The following TULP3 variants were observed in gnomAD, a reference collection of about 807,000 sequenced individuals.
TULP3 encodes the protein TUB like protein 3.
In TULP3, 38 loss-of-function variants were observed where a neutral mutation model predicts 50.7. That is an observed-to-expected ratio of 0.75 (90% CI 0.58 to 0.98). TULP3 has a LOEUF of 0.98. TULP3 is among the 50% of genes least tolerant of loss of function. TULP3 has a pLI of 0.00. For synonymous variants in TULP3, 183 were observed against 196.6 expected (o/e 0.93, Z 0.58); for missense variants, 550 against 568.0 (o/e 0.97, Z 0.32).
At chr12:2,927,250 C>A (rs1203922543) in intron 4 of TULP3, among the ~76,000 whole-genome samples, 2 of 152,044 alleles carry the variant, frequency 1.3e-5, no homozygotes, top group Non-Finnish European at 2.9e-5. Context: ...ATGGATAAAC[C>A]ACATTTTGTT....
chr12:2,938,284 C>T lies in TULP3; in HGVS notation c.1194C>T (p.Asp398=), dbSNP rs142142179. The stretch of plus-strand genomic sequence containing the variant: ...ACTTCCAGATAGTCCACAAAAATGA[C>T]CGTAAGCCTCCAGGAGGGGTTGGGT... ...VKNFQIVHKN[D]PDYIVMQFGR... is the part of the protein sequence containing the mutation. Residue 398 remains aspartate (D), a splice_region_variant and synonymous_variant, in exon 10 of 11, where the codon GAC becomes GAT. Coordinates refer to ENST00000448120, the MANE Select transcript of TULP3 (RefSeq NM_003324.5). The T allele has an allele frequency of 1.4e-4, 233 of 1,613,486 alleles. No individual in the cohort carries two copies. Among genetic ancestry groups the T allele is most frequent in the Non-Finnish European group, 2.0e-4 (231 of 1,179,758 alleles).
At chr12:2,936,509 G>A (rs1243133013) in intron 8 of TULP3, among the ~76,000 whole-genome samples, 1 of 151,824 alleles carries the variant, frequency 6.6e-6, no homozygotes, top group African/African-American at 2.4e-5. Context: ...ACAGCACCTT[G>A]GGAGGCCAAG....
intron 1 of TULP3, 45 bp downstream of exon 1, chr12:2,891,033 G>A (rs374634707): frequency 6.6e-7 from 1 of 1,512,006 alleles, no homozygotes; most frequent in Non-Finnish European, 8.8e-7. Flanking sequence ...GAGGCGGAGG[G>A]GCGAAGCGAG....
At chr12:2,918,367 C>T (rs1180482869) in intron 2 of TULP3, among the ~76,000 whole-genome samples, 1 of 151,914 alleles carries the variant, frequency 6.6e-6, no homozygotes, top group Non-Finnish European at 1.5e-5. Context: ...CCACCTCGAC[C>T]TCCCAAACTG....
At chr12:2,926,093 G>C (rs536945219) in intron 4 of TULP3, among the ~76,000 whole-genome samples, 2 of 152,334 alleles carry the variant, frequency 1.3e-5, no homozygotes, top group South Asian at 4.1e-4. Flanking sequence ...TCTCAAGACA[G>C]ATTCACGGGA....
At chr12:2,899,907 C>CA (rs796115246) in intron 1 of TULP3, among the ~76,000 whole-genome samples, 634 of 37,150 alleles carry the variant, frequency 0.017, 14 homozygotes, top group African/African-American at 0.069. Context: ...AAAAAACAAA[C>CA]AAAAAAAAAA....
At chr12:2,924,185 G>C (rs1425570419) in intron 4 of TULP3, among the ~76,000 whole-genome samples, 1 of 152,038 alleles carries the variant, frequency 6.6e-6, no homozygotes, top group Admixed American at 6.6e-5. Flanking sequence ...CACTCCACTT[G>C]GACACTTTCC....
At chr12:2,906,571 CA>C (rs1327802745) in intron 1 of TULP3, among the ~76,000 whole-genome samples, 4 of 151,588 alleles carry the variant, frequency 2.6e-5, no homozygotes, top group African/African-American at 9.7e-5. Flanking sequence ...TCAGGCAATC[CA>C]CCCACCTTGG....
At position 2,940,532 on chromosome 12, in the gene TULP3, T is replaced by C. The variant is rs998814; in HGVS notation, c.*1088T>C. The C allele has an allele frequency of 0.22, 336,560 of 1,546,874 alleles. 38,339 individuals carry two copies. Among genetic ancestry groups the C allele is most frequent in the African/African-American group, 0.38 (27,431 of 72,938 alleles). On this transcript the variant is annotated 3_prime_UTR_variant, in exon 11 of 11. Coordinates refer to ENST00000448120, the MANE Select transcript of TULP3 (RefSeq NM_003324.5). ...TTACACCAGTTCACCCTTCCCAGAA[T>C]GTATCCAAACCTTGAGAATGCAGGA...
rs778222648 is a variant in TULP3, at chr12:2,931,099, A to G, written c.555A>G (p.Ile185Met). The change falls in exon 6 of 11, where the codon ATA becomes ATG. Residue 185 changes from isoleucine (I) to methionine (M), a missense_variant. Physicochemically the swap from Ile to Met is conservative, Grantham distance 10. Transcript: ENST00000448120. ...AQPADNLLGDIDDLEDFVYSP... is the reference protein window; with the variant it reads ...AQPADNLLGDMDDLEDFVYSP... ...CAGCTGATAACCTCCTGGGAGACAT[A>G]GACGACCTGGAGGACTTTGTGTATA... 1 of 1,614,156 alleles carries G rather than the reference A, an allele frequency of 6.2e-7. No homozygotes were observed. The highest frequency in any genetic ancestry group is 2.2e-5 in the East Asian group (1 of 44,868).
chr12:2,911,539 T>A (rs1226472321), intron 2 of TULP3, among the ~76,000 whole-genome samples: 2 of 150,356 alleles, frequency 1.3e-5, no homozygotes, highest in Non-Finnish European at 1.5e-5. Flanking sequence ...TATTTTTTTT[T>A]AATTTTTACT....
chr12:2,903,785 G>C (rs1304707947), intron 1 of TULP3, among the ~76,000 whole-genome samples: 2 of 151,708 alleles, frequency 1.3e-5, no homozygotes, highest in Non-Finnish European at 2.9e-5. Flanking sequence ...TTTTTTGTTT[G>C]TTTGTTTGTT....
Position 2,922,263 on chromosome 12 carries a change from T to G in TULP3, c.255T>G (p.Gly85=). Reference sequence around the variant, plus strand: ...AATTCATTTTATTTTGGCCCTTAGGTATTGATGGTCCAGCTGCTGTCCTGA... The same window carrying G: ...AATTCATTTTATTTTGGCCCTTAGGGATTGATGGTCCAGCTGCTGTCCTGA... The part of the protein sequence containing the change: ...HTPHSNVILH[G]IDGPAAVLKP... Residue 85 remains glycine, a splice_region_variant and synonymous_variant, in exon 4 of 11, where the codon GGT becomes GGG. Coordinates refer to ENST00000448120, the MANE Select transcript of TULP3 (RefSeq NM_003324.5). The G allele has an allele frequency of 6.2e-7, 1 of 1,610,970 alleles. No homozygotes were observed. The highest frequency in any genetic ancestry group is 8.5e-7 in the Non-Finnish European group (1 of 1,179,348).
At chr12:2,891,567 T>C (rs2098172113) in intron 1 of TULP3, among the ~76,000 whole-genome samples, 1 of 152,190 alleles carries the variant, frequency 6.6e-6, no homozygotes, top group East Asian at 1.9e-4. Context: ...TTTGTGCGCC[T>C]CTTTCTCTGC....
At chr12:2,924,522 A>T (rs902236111) in intron 4 of TULP3, among the ~76,000 whole-genome samples, 6 of 151,766 alleles carry the variant, frequency 4.0e-5, no homozygotes, top group Non-Finnish European at 8.8e-5. Context: ...TAACAAAAAA[A>T]AATTTTTAAT....
At position 2,941,037 on chromosome 12, in the gene TULP3, A is replaced by C; in HGVS notation, c.*1593A>C. Reference sequence around the variant, plus strand: ...TCCCTCTGGTTTAAAGAGATATATAAACTAATTTCACATAATTTGTGTGTG... The same window carrying C: ...TCCCTCTGGTTTAAAGAGATATATACACTAATTTCACATAATTTGTGTGTG... On this transcript the variant is annotated 3_prime_UTR_variant, in exon 11 of 11. Coordinates refer to ENST00000448120, the MANE Select transcript of TULP3 (RefSeq NM_003324.5). 2 of 295,704 alleles carry C rather than the reference A, an allele frequency of 6.8e-6. No individual in the cohort carries two copies. Among genetic ancestry groups the C allele is most frequent in the East Asian group, 6.5e-5 (1 of 15,492 alleles). The allele number at this position is 295,704 out of a possible 1,614,324, so 18.3% of individuals were successfully genotyped here. A position where few individuals can be genotyped will look rare whatever the true frequency, so the allele number is the denominator to read the frequency against.
chr12:2,917,824 C>T (rs1190085469), intron 2 of TULP3, among the ~76,000 whole-genome samples: 2 of 151,662 alleles, frequency 1.3e-5, no homozygotes, highest in Admixed American at 6.6e-5. Context: ...TTGCAGTGAG[C>T]CGAGATCGCG....
chr12:2,926,876 C>T (rs1412003456), intron 4 of TULP3, among the ~76,000 whole-genome samples: 1 of 152,212 alleles, frequency 6.6e-6, no homozygotes, highest in Admixed American at 6.5e-5. Context: ...CATTGCACTC[C>T]AGTCTGGGCT....
chr12:2,898,626 G>C (rs188899258), intron 1 of TULP3, among the ~76,000 whole-genome samples: 6 of 152,222 alleles, frequency 3.9e-5, no homozygotes, highest in Non-Finnish European at 1.5e-5. Context: ...AAGACTTTAT[G>C]GACACTGGAA....
Sources: allele counts gnomAD v4.1 joint callset (sites outside exome capture counted in the v4.1 genomes callset), GRCh38; gene constraint gnomAD v4.1.1; transcripts MANE v1.5; gene names NCBI Gene and HGNC (gene_info 2026-07-23, HGNC 2026-07-21).